The following ARHGEF10L variants were observed in gnomAD, a reference collection of about 807,000 sequenced individuals.
ARHGEF10L encodes the protein rho guanine nucleotide exchange factor 10-like protein.
Under a neutral mutation model 141.2 loss-of-function variants are expected in ARHGEF10L, and 69 were observed. The observed-to-expected ratio is 0.49, with a 90% confidence interval of 0.40 to 0.60. The LOEUF is 0.60. Among genes scored for constraint, ARHGEF10L ranks in the 20% least tolerant of loss-of-function variants. The pLI, the probability that ARHGEF10L is intolerant of heterozygous loss-of-function variation, is 0.00. For missense variants in ARHGEF10L, 1,482 were observed against 1,734.3 expected (o/e 0.85, Z 2.58); for synonymous variants, 711 against 718.5 (o/e 0.99, Z 0.17).
rs761099269 is a variant in ARHGEF10L at position 17,616,666 on chromosome 1, C to CA, written c.835+465dup. On this transcript the variant is annotated intron_variant, in intron 9 of 28. Coordinates refer to ENST00000361221, the MANE Select transcript of ARHGEF10L (RefSeq NM_018125.4). ...CAGTGCCTCTGGGGCCAGCTGTTGG[C>CA]ACAGCGCGGGAGACAGGCACAGGCA... Among the ~76,000 whole-genome samples the CA allele has an allele frequency of 7.2e-5, 11 of 152,348 alleles. No individual in the cohort carries two copies. The East Asian group carries it at 1.5e-3, about 21-fold the overall frequency.
chr1:17,622,052 C>A, intron 11 of ARHGEF10L, 111 bp downstream of exon 11: 1 of 1,093,402 alleles, frequency 9.1e-7, no homozygotes, highest in Non-Finnish European at 1.4e-6. Flanking sequence ...GGGGACAGGA[C>A]CATAAGCCAG....
At chr1:17,610,951 G>GT (rs77658418) in intron 7 of ARHGEF10L, among the ~76,000 whole-genome samples, 8,779 of 147,632 alleles carry the variant, frequency 0.059, 814 homozygotes, top group African/African-American at 0.2. Context: ...AGGATCTGTG[G>GT]TTTTTTTTTT....
chr1:17,560,488 G>T (rs1004408374), intron 1 of ARHGEF10L, among the ~76,000 whole-genome samples: 8 of 152,200 alleles, frequency 5.3e-5, no homozygotes, highest in South Asian at 2.1e-4. Context: ...TCCCTGATAG[G>T]CAGGAACCAG....
Position 17,627,297 on chromosome 1 carries a change from G to A in ARHGEF10L, c.1411-33G>A, listed in dbSNP as rs2060443152. 1 of 1,603,604 alleles carries A rather than the reference G, an allele frequency of 6.2e-7. No homozygotes were observed. The highest frequency in any genetic ancestry group is 1.1e-5 in the South Asian group (1 of 90,318). ...CAGGCTGGGGTAGAGTTGGTCATGG[G>A]TGGGCTGCTCAGTCTCTGCTCTGAC... On this transcript the variant is annotated intron_variant, in intron 14 of 28. Coordinates refer to ENST00000361221, the MANE Select transcript of ARHGEF10L (RefSeq NM_018125.4). This position sits in a 1 kb window ranked among gnomAD's most constrained non-coding sequence, Gnocchi z 4.0.
upstream of ARHGEF10L, among the ~76,000 whole-genome samples, chr1:17,535,669 A>G (rs1384598689): frequency 6.6e-6 from 1 of 152,218 alleles, no homozygotes; most frequent in East Asian, 1.9e-4. Flanking sequence ...TGTATCATTG[A>G]TGATTTTGCT....
chr1:17,697,738 G>A lies in ARHGEF10L; in HGVS notation c.*358G>A, dbSNP rs1265407159. 1 of 494,814 alleles carries A rather than the reference G, an allele frequency of 2.0e-6. No individual in the cohort carries two copies. The highest frequency in any genetic ancestry group is 2.4e-5 in the Admixed American group (1 of 42,392). The allele number at this position is 494,814 out of a possible 1,614,324, so 30.7% of individuals were successfully genotyped here. ...GAAGGGTGTGTGCGTGTGAGTGTGTGCGAGTGTGTGGGCTGGTGTGTGAAT... is the reference window on the plus strand; with the variant it reads ...GAAGGGTGTGTGCGTGTGAGTGTGTACGAGTGTGTGGGCTGGTGTGTGAAT... On this transcript the variant is annotated 3_prime_UTR_variant, in exon 29 of 29. Coordinates refer to ENST00000361221, the MANE Select transcript of ARHGEF10L (RefSeq NM_018125.4). This position sits in a 1 kb window ranked among gnomAD's most constrained non-coding sequence, Gnocchi z 4.8.
At chr1:17,616,759 G>A (rs755216495) in intron 9 of ARHGEF10L, among the ~76,000 whole-genome samples, 21 of 152,224 alleles carry the variant, frequency 1.4e-4, no homozygotes, top group Non-Finnish European at 2.5e-4. Flanking sequence ...AGGAAATGAG[G>A]ATGGACTTGG....
chr1:17,643,060 T>C (rs1263661117), intron 21 of ARHGEF10L, among the ~76,000 whole-genome samples: 4 of 152,242 alleles, frequency 2.6e-5, no homozygotes, highest in Non-Finnish European at 5.9e-5. Flanking sequence ...GAAGAGTCAT[T>C]TGAAATCTTA....
intron 1 of ARHGEF10L, among the ~76,000 whole-genome samples, chr1:17,541,039 C>T (rs889858657): frequency 2.0e-5 from 3 of 152,182 alleles, no homozygotes; most frequent in African/African-American, 4.8e-5. Flanking sequence ...ACTGCCCTTC[C>T]CCTTCATCGG....
chr1:17,637,769 G>T (rs2061094636), intron 18 of ARHGEF10L, 119 bp from the exon 19 acceptor site: 2 of 819,746 alleles, frequency 2.4e-6, no homozygotes, highest in Non-Finnish European at 3.8e-6. Context: ...CTCCCAAAGT[G>T]CTGGGATTAC....
intron 6 of ARHGEF10L, among the ~76,000 whole-genome samples, chr1:17,604,273 C>A (rs941915347): frequency 1.3e-5 from 2 of 152,038 alleles, no homozygotes; most frequent in Non-Finnish European, 2.9e-5. Flanking sequence ...ATGCTCTGTC[C>A]CCTACCCCAG....
intron 21 of ARHGEF10L, among the ~76,000 whole-genome samples, chr1:17,643,429 C>A (rs138011453): frequency 6.6e-6 from 1 of 152,184 alleles, no homozygotes; most frequent in Admixed American, 6.5e-5. Flanking sequence ...GCCACCACCA[C>A]GCCTTGTGGT....
chr1:17,664,590 C>A lies in ARHGEF10L; in HGVS notation c.3004C>A (p.Pro1002Thr). 1 of 1,591,464 alleles carries A rather than the reference C, an allele frequency of 6.3e-7. No homozygotes were observed. The highest frequency in any genetic ancestry group is 1.7e-5 in the Admixed American group (1 of 58,302). The change falls in exon 26 of 29, where the codon CCT (proline) becomes ACT (threonine). Residue 1002 changes from proline (P) to threonine (T), a missense_variant. By Grantham distance (38) the Pro-to-Thr change is conservative (BLOSUM62 -1). This residue lies in a region of ARHGEF10L where 858 missense variants were observed against 966.3 expected (regional missense o/e 0.89). Transcript: ENST00000361221. The part of the protein sequence containing the change: ...VTVLEATTLQ[P>T]QQSFEAHQDE... ...TGTCCTGGAAGCCACCACCCTGCAG[C>A]CTCAGGTACTGCACTATCCTTTGGC...
In ARHGEF10L at chr1:17,697,381, C is replaced by G; in HGVS notation, c.*1C>G. On this transcript the variant is annotated 3_prime_UTR_variant, in exon 29 of 29. Transcript: ENST00000361221. This position sits in a 1 kb window ranked among gnomAD's most constrained non-coding sequence, Gnocchi z 4.8. ...CTGGCAGGTGCCCTTGATGCTATAG[C>G]GCCTCCCCTCTCCCCTCAGAGGGCA... The G allele has an allele frequency of 1.9e-6, 3 of 1,580,704 alleles. No individual in the cohort carries two copies. The highest frequency in any genetic ancestry group is 2.6e-6 in the Non-Finnish European group (3 of 1,160,796).
Position 17,623,321 on chromosome 1 carries a change from C to CTGATCTAGGGGTGAGTG in ARHGEF10L, c.1200+150_1200+166dup, listed in dbSNP as rs2060205832. 1.0e-6 allele frequency: 1 copy of CTGATCTAGGGGTGAGTG among 978,300 alleles called. No individual in the cohort carries two copies. The highest frequency in any genetic ancestry group is 1.5e-6 in the Non-Finnish European group (1 of 670,124). 60.6% of individuals were successfully genotyped at this position (978,300 alleles called of 1,614,324 possible). A position where few individuals can be genotyped will look rare whatever the true frequency, so the allele number is the denominator to read the frequency against. On this transcript the variant is annotated intron_variant, in intron 12 of 28. Transcript: ENST00000361221. This position sits in a 1 kb window ranked among gnomAD's most constrained non-coding sequence, Gnocchi z 4.7. ...TAGAGGGTGGCAGGGTCTTCTGGGC[C>CTGATCTAGGGGTGAGTG]TGATCTAGGGGTGAGTGTGACACCT... is the stretch of plus-strand genomic sequence containing the variant.
Position 17,557,518 on chromosome 1 carries a change from T to TCAGAATTGC in ARHGEF10L, c.-44+17572_-44+17580dup, listed in dbSNP as rs1430331111. ...GGTGTGTCCCAAACCTGGCTGATTGTCAGAATTGCCAGGAAGCTTTTGAAC... is the reference window on the plus strand; with the variant it reads ...GGTGTGTCCCAAACCTGGCTGATTGTCAGAATTGCCAGAATTGCCAGGAAGCTTTTGAAC... On this transcript the variant is annotated intron_variant, in intron 1 of 28. Transcript: ENST00000361221. 2.0e-5 allele frequency among the ~76,000 whole-genome samples: 3 copies of TCAGAATTGC among 152,334 alleles called. No homozygotes were observed. In the East Asian group the frequency reaches 5.8e-4, roughly 29 times the overall value.
chr1:17,579,435 CT>C (rs2100481891), intron 1 of ARHGEF10L, among the ~76,000 whole-genome samples: 1 of 152,302 alleles, frequency 6.6e-6, no homozygotes, highest in African/African-American at 2.4e-5. Context: ...GGTTCGAACC[CT>C]GGCTCTTCCT....
chr1:17,667,490 T>C (rs2063059602), intron 26 of ARHGEF10L, among the ~76,000 whole-genome samples: 2 of 152,108 alleles, frequency 1.3e-5, no homozygotes, highest in South Asian at 4.1e-4. Context: ...AAGAATGGGA[T>C]GGGAGGGTGC....
chr1:17,654,570 C>A lies in ARHGEF10L; in HGVS notation c.2395-66C>A. ...GGAGAGTTGGATGGGGCCCAGGAAT[C>A]TGCCAAATATTGGCATCTGGGCACC... On this transcript the variant is annotated intron_variant, in intron 22 of 28. Coordinates refer to ENST00000361221, the MANE Select transcript of ARHGEF10L (RefSeq NM_018125.4). The surrounding 1 kb of genome is among the most constrained non-coding windows in gnomAD (Gnocchi z 4.3). 7.1e-7 allele frequency: 1 copy of A among 1,415,866 alleles called. No homozygotes were observed. The highest frequency in any genetic ancestry group is 1.4e-5 in the African/African-American group (1 of 70,946). 87.7% of individuals were successfully genotyped at this position (1,415,866 alleles called of 1,614,324 possible).
Sources: allele counts gnomAD v4.1 joint callset (sites outside exome capture counted in the v4.1 genomes callset), GRCh38; gene constraint gnomAD v4.1.1; regional missense constraint gnomAD v4.1.1; non-coding constraint Gnocchi (gnomAD v3.1); transcripts MANE v1.5; gene names NCBI Gene and HGNC (gene_info 2026-07-23, HGNC 2026-07-21).